The following RWDD3 variants were observed in gnomAD, a reference collection of about 807,000 sequenced individuals.
The protein encoded by RWDD3 is RWD domain-containing protein 3.
In RWDD3, 30 loss-of-function variants were observed where a neutral mutation model predicts 26.5. The observed-to-expected ratio is 1.13, with a 90% CI of 0.85 to 1.54. The LOEUF (loss-of-function observed/expected upper bound fraction) is 1.54, where lower values mean the gene tolerates loss of function less well. Ranked by LOEUF, RWDD3 falls within the 40% of genes most tolerant of loss-of-function variation. The pLI is 0.00. For synonymous variants in RWDD3, 113 were observed against 114.5 expected (o/e 0.99, Z 0.09); for missense variants, 296 against 309.1 (o/e 0.96, Z 0.32).
chr1:95,242,209 T>C (rs1005655222), intron 1 of RWDD3, among the ~76,000 whole-genome samples: 1 of 152,258 alleles, frequency 6.6e-6, no homozygotes, highest in Non-Finnish European at 1.5e-5. Flanking sequence ...ATAAATTATA[T>C]GTACATGTAT....
At chr1:95,241,434 G>A (rs1192108825) in intron 1 of RWDD3, among the ~76,000 whole-genome samples, 1 of 152,154 alleles carries the variant, frequency 6.6e-6, no homozygotes, top group African/African-American at 2.4e-5. Flanking sequence ...GGGGCAGTGA[G>A]CTTAGGAACC....
intron 1 of RWDD3, 43 bp downstream of exon 1, chr1:95,234,358 C>T (rs1163134521): frequency 1.3e-6 from 2 of 1,537,300 alleles, no homozygotes; most frequent in Non-Finnish European, 1.8e-6. Context: ...CCTCAGGGGC[C>T]ACCCGCGTTC....
At chr1:95,246,254 C>T (rs1037104464) in intron 2 of RWDD3, 13 of 238,142 alleles carry the variant, frequency 5.5e-5, no homozygotes, top group Middle Eastern at 1.3e-3. Context: ...ATGGAGAAGG[C>T]AACTGAGCCA....
Position 95,234,252 on chromosome 1 carries a change from G to T in RWDD3, c.22G>T (p.Glu8Ter). 1 of 1,595,924 alleles carries T rather than the reference G, an allele frequency of 6.3e-7. No individual in the cohort carries two copies. The highest frequency in any genetic ancestry group is 8.5e-7 in the Non-Finnish European group (1 of 1,171,828). ...AGCCATGGCGGAGCCTGTGCAGGAGGAGCTCTCGGTCCTGGCCGCGATTTT... is the reference window on the plus strand; with the variant it reads ...AGCCATGGCGGAGCCTGTGCAGGAGTAGCTCTCGGTCCTGGCCGCGATTTT... MAEPVQE[E>*]LSVLAAIFCR... Residue 8 changes from glutamate to a stop codon, truncating the protein, a stop_gained, in exon 1 of 4, where the codon GAG (glutamate) becomes TAG (stop). Coordinates refer to ENST00000370202, the MANE Select transcript of RWDD3 (RefSeq NM_015485.5). LOFTEE classifies it high-confidence loss of function.
At chr1:95,235,386 T>C (rs1357293072) in intron 1 of RWDD3, among the ~76,000 whole-genome samples, 2 of 63,332 alleles carry the variant, frequency 3.2e-5, no homozygotes, top group Non-Finnish European at 5.9e-5. Flanking sequence ...TGAGACAGAG[T>C]CTTGTTCTGT....
At position 95,244,359 on chromosome 1, in the gene RWDD3, C is replaced by T; in HGVS notation, c.234C>T (p.Ala78=). ...TTAACTCTGAACAGTTGACCAGGGCCCAGTGTGTGACTGTGAAAGAGAATT... is the reference window on the plus strand; with the variant it reads ...TTAACTCTGAACAGTTGACCAGGGCTCAGTGTGTGACTGTGAAAGAGAATT... The part of the protein sequence containing the change: ...ISINSEQLTR[A]QCVTVKENLL... Residue 78 remains alanine (A), a synonymous_variant, in exon 2 of 4, where the codon GCC becomes GCT. Transcript: ENST00000370202. 1 of 1,614,098 alleles carries T rather than the reference C, an allele frequency of 6.2e-7. No individual in the cohort carries two copies. Among genetic ancestry groups the T allele is most frequent in the South Asian group, 1.1e-5 (1 of 91,086 alleles).
At chr1:95,241,575 T>G (rs1680621609) in intron 1 of RWDD3, among the ~76,000 whole-genome samples, 1 of 152,188 alleles carries the variant, frequency 6.6e-6, no homozygotes. Context: ...TCCAAGGCTG[T>G]CGGTTATGCA....
intron 1 of RWDD3, among the ~76,000 whole-genome samples, chr1:95,235,376 T>TTTTTTTTA (rs59080363): frequency 1.9e-5 from 2 of 104,346 alleles, no homozygotes; most frequent in African/African-American, 7.7e-5. Context: ...TTTTTTTTTT[T>TTTTTTTTA]GAGACAGAGT....
chr1:95,245,187 A>C (rs1160141846), intron 2 of RWDD3, among the ~76,000 whole-genome samples: 2 of 152,184 alleles, frequency 1.3e-5, no homozygotes, highest in Non-Finnish European at 2.9e-5. Context: ...GTTATAACCG[A>C]GATTTCATGT....
chr1:95,242,885 C>T (rs1173368554), intron 1 of RWDD3, among the ~76,000 whole-genome samples: 1 of 151,856 alleles, frequency 6.6e-6, no homozygotes, highest in African/African-American at 2.4e-5. Flanking sequence ...TGCCACTGCA[C>T]TCCAGCCTGG....
intron 1 of RWDD3, among the ~76,000 whole-genome samples, chr1:95,235,983 G>T (rs1020061746): frequency 1.3e-5 from 2 of 152,060 alleles, no homozygotes; most frequent in Admixed American, 1.3e-4. Flanking sequence ...ATGTTATATT[G>T]TAGCTACCAT....
At chr1:95,235,451 T>G (rs928512837) in intron 1 of RWDD3, among the ~76,000 whole-genome samples, 5 of 120,762 alleles carry the variant, frequency 4.1e-5, no homozygotes, top group Non-Finnish European at 8.4e-5. Context: ...CTCCACCTCC[T>G]GGGTTCACAC....
Position 95,247,213 on chromosome 1 carries a change from T to G in RWDD3, c.*343T>G, listed in dbSNP as rs1343149201. On this transcript the variant is annotated 3_prime_UTR_variant, in exon 4 of 4. Coordinates refer to ENST00000370202, the MANE Select transcript of RWDD3 (RefSeq NM_015485.5). ...GCTAATTTTCTTGTAATTAAATGAT[T>G]TTTTAAAAAAGATTTGTTTTCATGT... is the stretch of plus-strand genomic sequence containing the variant. 1.9e-5 allele frequency: 3 copies of G among 159,170 alleles called. No individual in the cohort carries two copies. The highest frequency in any genetic ancestry group is 7.2e-5 in the African/African-American group (3 of 41,738). The allele number at this position is 159,170 out of a possible 1,614,324, so 9.9% of individuals were successfully genotyped here.
chr1:95,234,190 G>A (rs1177267994), upstream of RWDD3: 11 of 1,545,758 alleles, frequency 7.1e-6, no homozygotes, highest in Non-Finnish European at 9.6e-6. Context: ...GGCGGCTGCG[G>A]CAGCGGAAGG....
intron 1 of RWDD3, among the ~76,000 whole-genome samples, 187 bp from the exon 2 acceptor site, chr1:95,244,024 C>G (rs1011947052): frequency 7.8e-4 from 118 of 152,140 alleles, no homozygotes; most frequent in Non-Finnish European, 2.1e-4. Context: ...TACATGAATA[C>G]ATGTGTATGG....
In RWDD3 at chr1:95,244,500, A is replaced by G. The variant is rs1680767320; in HGVS notation, c.375A>G (p.Glu125=). ...AACCAGAAACTGGCAGTGGCAGTGAAAAGTGTACTTTTTCAACAAGCACGA... is the reference window on the plus strand; with the variant it reads ...AACCAGAAACTGGCAGTGGCAGTGAGAAGTGTACTTTTTCAACAAGCACGA... ...LSQPETGSGS[E]KCTFSTSTTM... The change falls in exon 2 of 4, where the codon GAA becomes GAG. Residue 125 remains glutamate, a synonymous_variant. Coordinates refer to ENST00000370202, the MANE Select transcript of RWDD3 (RefSeq NM_015485.5). The G allele has an allele frequency of 6.2e-7, 1 of 1,614,182 alleles. No homozygotes were observed. The highest frequency in any genetic ancestry group is 8.5e-7 in the Non-Finnish European group (1 of 1,180,032).
chr1:95,244,596 A>C lies in RWDD3; in HGVS notation c.471A>C (p.Lys157Asn), dbSNP rs745673657. The C allele has an allele frequency of 1.2e-6, 2 of 1,614,194 alleles. No individual in the cohort carries two copies. Among genetic ancestry groups the C allele is most frequent in the Admixed American group, 3.3e-5 (2 of 60,024 alleles). The change falls in exon 2 of 4, where the codon AAA (lysine) becomes AAC (asparagine). Residue 157 changes from lysine to asparagine, a missense_variant. Coordinates refer to ENST00000370202, the MANE Select transcript of RWDD3 (RefSeq NM_015485.5). ...TGAGAGCAAAGACTAAATATGTCAAAATTGTGGAGAAGTGGGCTTCAGATT... is the reference window on the plus strand; with the variant it reads ...TGAGAGCAAAGACTAAATATGTCAACATTGTGGAGAAGTGGGCTTCAGATT... ...DHMRAKTKYV[K>N]IVEKWASDLR...
In RWDD3 at chr1:95,246,863, T is replaced by TA. The variant is rs1557724050; in HGVS notation, c.801dup (p.Ter268MetfsTer9). On this transcript the variant is annotated frameshift_variant, in exon 4 of 4. Coordinates refer to ENST00000370202, the MANE Select transcript of RWDD3 (RefSeq NM_015485.5). LOFTEE classifies it high-confidence loss of function. The stretch of plus-strand genomic sequence containing the variant: ...TTCTCCGAATTTGTACTTGCTCTGG[T>TA]AAAATGAAATGGAAGACAGGAATCT... 1 of 1,510,240 alleles carries TA rather than the reference T, an allele frequency of 6.6e-7. No individual in the cohort carries two copies. The allele number at this position is 1,510,240 out of a possible 1,614,324, so 93.6% of individuals were successfully genotyped here.
At chr1:95,243,243 G>T (rs1680708063) in intron 1 of RWDD3, 1 of 152,174 alleles carries the variant, frequency 6.6e-6, no homozygotes, top group Admixed American at 6.5e-5. Context: ...CAATTTTAAT[G>T]TTCTGTTAGG....
Sources: allele counts gnomAD v4.1 joint callset (sites outside exome capture counted in the v4.1 genomes callset), GRCh38; gene constraint gnomAD v4.1.1; transcripts MANE v1.5; gene names NCBI Gene and HGNC (gene_info 2026-07-23, HGNC 2026-07-21).